Variants in ATP8B3 observed in about 807,000 individuals in gnomAD.
ATP8B3 encodes the protein phospholipid-transporting ATPase IK.
ATP8B3 carries 141 observed loss-of-function variants against 140.9 expected under a neutral mutation model. That is an observed-to-expected ratio of 1.00 (90% CI 0.87 to 1.15). The LOEUF is 1.15. Ranked by LOEUF, ATP8B3 falls within the 50% of genes most tolerant of loss-of-function variation. The pLI is 0.00. For synonymous variants in ATP8B3, 765 were observed against 714.6 expected, an observed-to-expected ratio of 1.07 and a Z score of -1.13; for missense variants, 1,874 against 1,740.6, an observed-to-expected ratio of 1.08 and a Z score of -1.36.
In ATP8B3 at chr19:1,811,865, A is replaced by C; in HGVS notation, c.-129T>G. 9.6e-7 allele frequency: 1 copy of C among 1,046,302 alleles called. No individual in the cohort carries two copies. Among genetic ancestry groups the C allele is most frequent in the Non-Finnish European group, 1.3e-6 (1 of 747,916 alleles). The allele number at this position is 1,046,302 out of a possible 1,614,324, so 64.8% of individuals were successfully genotyped here. On this transcript the variant is annotated 5_prime_UTR_variant, in exon 2 of 29. Transcript: ENST00000310127. Reference sequence around the variant, plus strand: ...AGTTGGAGAGAATGCTCAAATGGCCAGAATCCACTCGAAGTGTATCTGGGG... The same window carrying C: ...AGTTGGAGAGAATGCTCAAATGGCCCGAATCCACTCGAAGTGTATCTGGGG...
rs1732661845 is a variant in ATP8B3, at chr19:1,809,662, C to T, written c.383G>A (p.Trp128Ter). The change falls in exon 4 of 29, where the codon TGG (tryptophan) becomes TAG (stop). Residue 128 changes from tryptophan to a stop codon, truncating the protein, a stop_gained. Transcript: ENST00000310127. LOFTEE classifies it high-confidence loss of function. ...GQFKEKVILC[W>*]QRKKYKTNVI... ...GCCCACCTTGTATTTCTTCCTTTGC[C>T]AGCACAGGATCACCTTCTCCTTGAA... The T allele has an allele frequency of 1.9e-6, 3 of 1,609,996 alleles. No individual in the cohort carries two copies. The highest frequency in any genetic ancestry group is 1.3e-5 in the African/African-American group (1 of 74,886).
chr19:1,787,322 G>A, intron 24 of ATP8B3, 136 bp from the exon 25 acceptor site: 1 of 665,332 alleles, frequency 1.5e-6, no homozygotes, highest in Non-Finnish European at 2.6e-6. Context: ...CTGGGACTGG[G>A]GTGGGGTGAA....
In ATP8B3 at chr19:1,783,198, A is replaced by T. The variant is rs765985528; in HGVS notation, c.3733T>A (p.Ser1245Thr). ...GCATAGCTGGAACGGCGGGCACGAG[A>T]CTCCCGGTGTACATGAGGCAAGGGC... ...MEPLPHVHRE[S>T]RARRSSYAFS... Residue 1245 changes from serine (S) to threonine (T), a missense_variant, in exon 29 of 29, where the codon TCT becomes ACT. Around this residue, in one of 3 missense-constraint regions of ATP8B3, gnomAD observed 840 missense variants for 760.9 expected, o/e 1.10. Transcript: ENST00000310127. The T allele has an allele frequency of 2.5e-6, 4 of 1,611,620 alleles. No individual in the cohort carries two copies. Among genetic ancestry groups the T allele is most frequent in the African/African-American group, 1.3e-5 (1 of 74,388 alleles).
Position 1,805,416 on chromosome 19 carries a change from G to T in ATP8B3, c.862C>A (p.His288Asn). The part of the protein sequence containing the change: ...LKFRQALMVT[H>N]KELATIKKMA... ...TTCTTTATAGTGGCCAGTTCTTTGT[G>T]GGTGACCATCAGGGCCTGTCTGAAC... Residue 288 changes from histidine to asparagine, a missense_variant, in exon 10 of 29, where the codon CAC becomes AAC. Coordinates refer to ENST00000310127, the MANE Select transcript of ATP8B3 (RefSeq NM_138813.4). This position sits in a 1 kb window ranked among gnomAD's most constrained non-coding sequence, Gnocchi z 5.2. 6.4e-7 allele frequency: 1 copy of T among 1,567,354 alleles called. No individual in the cohort carries two copies. The highest frequency in any genetic ancestry group is 2.3e-5 in the East Asian group (1 of 42,922).
In ATP8B3 at chr19:1,809,740, G is replaced by T; in HGVS notation, c.311-6C>A. On this transcript the variant is annotated splice_polypyrimidine_tract_variant and splice_region_variant and intron_variant, in intron 3 of 28. Coordinates refer to ENST00000310127, the MANE Select transcript of ATP8B3 (RefSeq NM_138813.4). The stretch of plus-strand genomic sequence containing the variant: ...CTGGACCTTCCAGGTGAATGCTGCA[G>T]CGAGAGAGCCGGGCGTCGCTGGAGC... 6.2e-7 allele frequency: 1 copy of T among 1,603,492 alleles called. No individual in the cohort carries two copies. The highest frequency in any genetic ancestry group is 8.5e-7 in the Non-Finnish European group (1 of 1,175,392).
At chr19:1,792,878 G>A (rs1051352347) in intron 18 of ATP8B3, among the ~76,000 whole-genome samples, 2 of 148,876 alleles carry the variant, frequency 1.3e-5, no homozygotes, top group African/African-American at 5.0e-5. Flanking sequence ...TCGCCCTATC[G>A]CACTCCAGCC....
At position 1,796,727 on chromosome 19, in the gene ATP8B3, G is replaced by C. The variant is rs1568638329; in HGVS notation, c.1737C>G (p.Ser579Arg). 6.2e-7 allele frequency: 1 copy of C among 1,610,872 alleles called. No individual in the cohort carries two copies. Among genetic ancestry groups the C allele is most frequent in the Non-Finnish European group, 8.5e-7 (1 of 1,179,330 alleles). Reference protein sequence around the residue: ...AICHTVMVRESPRERPDQLLY... With the variant: ...AICHTVMVRERPRERPDQLLY... ...TGGGCGCACCTGGGCGCTCACGGGG[G>C]CTCTCCCGCACCATCACCGTGTGGC... is the stretch of plus-strand genomic sequence containing the variant. Residue 579 changes from serine (S) to arginine (R), a missense_variant, in exon 16 of 29, where the codon AGC (serine) becomes AGG (arginine). Around this residue, in one of 3 missense-constraint regions of ATP8B3, gnomAD observed 1,032 missense variants for 963.6 expected, o/e 1.07. Coordinates refer to ENST00000310127, the MANE Select transcript of ATP8B3 (RefSeq NM_138813.4).
Position 1,785,174 on chromosome 19 carries a change from T to A in ATP8B3, c.3517A>T (p.Thr1173Ser). ...SFWLFRVSPT[T>S]FPFLYADLSV... is the part of the protein sequence containing the mutation. ...GGGGGCTCACACAGAAACGGGAAGG[T>A]CGTGGGGGATACTCTGAAGAGCCAG... The change falls in exon 27 of 29, where the codon ACC (threonine) becomes TCC (serine). Residue 1173 changes from threonine to serine, a missense_variant. Physicochemically the swap from Thr to Ser is moderately conservative, Grantham distance 58. This residue lies in a region of ATP8B3 where 840 missense variants were observed against 760.9 expected (regional missense o/e 1.10). Coordinates refer to ENST00000310127, the MANE Select transcript of ATP8B3 (RefSeq NM_138813.4). 1 of 1,586,330 alleles carries A rather than the reference T, an allele frequency of 6.3e-7. No individual in the cohort carries two copies. Among genetic ancestry groups the A allele is most frequent in the Non-Finnish European group, 8.6e-7 (1 of 1,167,098 alleles).
intron 3 of ATP8B3, 95 bp downstream of exon 3, chr19:1,810,527 G>A: frequency 7.8e-7 from 1 of 1,276,192 alleles, no homozygotes; most frequent in Non-Finnish European, 1.1e-6. Flanking sequence ...GCCTCCCAAA[G>A]TGCCGGGATT....
At chr19:1,790,854 C>A (rs2068484844) in intron 20 of ATP8B3, 22 bp from the exon 21 acceptor site, 2 of 1,576,374 alleles carry the variant, frequency 1.3e-6, no homozygotes, top group Admixed American at 1.8e-5. Flanking sequence ...ACCAGCTCAG[C>A]GCCTCTGCGA....
chr19:1,789,273 T>C, intron 23 of ATP8B3, 88 bp downstream of exon 23: 6 of 910,364 alleles, frequency 6.6e-6, no homozygotes, highest in Non-Finnish European at 7.6e-6. Context: ...CCCCCTCACC[T>C]GCCCCAGGTC....
Position 1,782,341 on chromosome 19 carries a change from T to TG in ATP8B3, c.*686dup. The TG allele has an allele frequency of 3.3e-6, 1 of 304,732 alleles. No individual in the cohort carries two copies. Among genetic ancestry groups the TG allele is most frequent in the Non-Finnish European group, 6.1e-6 (1 of 164,728 alleles). The allele number at this position is 304,732 out of a possible 1,614,324, so 18.9% of individuals were successfully genotyped here. Reference sequence around the variant, plus strand: ...CCGCAGAGGGCAATGACTGCTCCTCTGGGGGCAAGGATAGCTGCTCCTCCC... The same window carrying TG: ...CCGCAGAGGGCAATGACTGCTCCTCTGGGGGGCAAGGATAGCTGCTCCTCCC... On this transcript the variant is annotated 3_prime_UTR_variant, in exon 29 of 29. Transcript: ENST00000310127.
Position 1,800,016 on chromosome 19 carries a change from C to T in ATP8B3, c.1483G>A (p.Asp495Asn). The change falls in exon 14 of 29, where the codon GAC becomes AAC. Residue 495 changes from aspartate (D) to asparagine (N), a missense_variant. By Grantham distance (23) the Asp-to-Asn change is conservative. Around this residue, in one of 3 missense-constraint regions of ATP8B3, gnomAD observed 1,032 missense variants for 963.6 expected, o/e 1.07. Transcript: ENST00000310127. This position sits in a 1 kb window ranked among gnomAD's most constrained non-coding sequence, Gnocchi z 4.4. ...TTCTGCGTGAGCGTGCCCGTCTTGT[C>T]CGAGAAGATGTATTCCACCTGGCCC... ...HLGQVEYIFS[D>N]KTGTLTQNIL... The T allele has an allele frequency of 6.2e-7, 1 of 1,606,280 alleles. No homozygotes were observed. The highest frequency in any genetic ancestry group is 8.5e-7 in the Non-Finnish European group (1 of 1,176,594).
At chr19:1,784,647 C>T (rs2068245348) in intron 28 of ATP8B3, among the ~76,000 whole-genome samples, 172 bp downstream of exon 28, 1 of 152,302 alleles carries the variant, frequency 6.6e-6, no homozygotes, top group African/African-American at 2.4e-5. Flanking sequence ...AAATCGGGCC[C>T]CGGGGGCACT....
In ATP8B3 at chr19:1,787,120, T is replaced by C; in HGVS notation, c.3136A>G (p.Ile1046Val). ...CTGCTCACCTGCTCAAAGAGCCCAA[T>C]GTAGAGAACTGGCAGGGTGCTGTAC... is the stretch of plus-strand genomic sequence containing the variant. ...LLYSTLPVLY[I>V]GLFEQDVSAE... is the part of the protein sequence containing the mutation. The change falls in exon 25 of 29, where the codon ATT becomes GTT. Residue 1046 changes from isoleucine to valine, a missense_variant. Around this residue, in one of 3 missense-constraint regions of ATP8B3, gnomAD observed 840 missense variants for 760.9 expected, o/e 1.10. Coordinates refer to ENST00000310127, the MANE Select transcript of ATP8B3 (RefSeq NM_138813.4). The C allele has an allele frequency of 1.9e-6, 3 of 1,607,422 alleles. No homozygotes were observed. Among genetic ancestry groups the C allele is most frequent in the South Asian group, 2.2e-5 (2 of 89,824 alleles).
intron 10 of ATP8B3, 118 bp from the exon 11 acceptor site, chr19:1,802,763 A>C: frequency 7.9e-7 from 1 of 1,268,782 alleles, no homozygotes; most frequent in Non-Finnish European, 1.1e-6. Context: ...TGTGCCCCAA[A>C]CTTGCCCTAT....
chr19:1,788,108 T>G (rs904447758), intron 24 of ATP8B3, among the ~76,000 whole-genome samples: 1 of 152,092 alleles, frequency 6.6e-6, no homozygotes, highest in Non-Finnish European at 1.5e-5. Flanking sequence ...TCTGTAAAGC[T>G]CCCTCTCAAA....
chr19:1,783,909 A>G (rs2068228958), intron 28 of ATP8B3, among the ~76,000 whole-genome samples: 1 of 151,962 alleles, frequency 6.6e-6, no homozygotes, highest in Non-Finnish European at 1.5e-5. Flanking sequence ...ATCATAGCTC[A>G]CTGCAGCCTC....
chr19:1,783,364 C>G, intron 28 of ATP8B3, 94 bp from the exon 29 acceptor site: 1 of 1,455,300 alleles, frequency 6.9e-7, no homozygotes, highest in Non-Finnish European at 9.2e-7. Flanking sequence ...ATTCAAAGCC[C>G]TTGGCCACTA....
Sources: gnomAD v4.1 joint callset for allele counts (sites outside exome capture counted in the v4.1 genomes callset) on GRCh38, gnomAD v4.1.1 for gene constraint, gnomAD v4.1.1 regional missense constraint, Gnocchi (gnomAD v3.1) non-coding constraint, MANE v1.5 for transcripts, NCBI Gene and HGNC (gene_info 2026-07-23, HGNC 2026-07-21) for gene names.